Variants in SCAF11 observed in about 807,000 individuals in gnomAD.
The protein encoded by SCAF11 is SR-related CTD associated factor 11.
Under a neutral mutation model 140.5 loss-of-function variants are expected in SCAF11, and 47 were observed. That is an observed-to-expected ratio of 0.33 (90% confidence interval 0.26 to 0.43). The LOEUF is 0.43. Ranked by LOEUF, SCAF11 falls within the 20% of genes least tolerant of loss-of-function variation. The pLI is 1.00. For synonymous variants in SCAF11, 557 were observed against 579.4 expected (o/e 0.96, Z 0.55); for missense variants, 1,645 against 1,705.1 (o/e 0.96, Z 0.62).
At chr12:45,959,083 C>T (rs1198898530) in intron 3 of SCAF11, among the ~76,000 whole-genome samples, 1 of 151,976 alleles carries the variant, frequency 6.6e-6, no homozygotes, top group East Asian at 1.9e-4. Flanking sequence ...TCTCAGAAAG[C>T]ACAGAAATTT....
rs990469170 is a variant in SCAF11, at chr12:45,926,923, T to C, written c.2778A>G (p.Glu926=). ...ACCTAGACCACTTTCTGGTTCTCCT[T>C]TCTCTCTCTCTCCTCTGCCCATCTC... ...SDRDGQRRER[E]RRTRKWSRSR... The change falls in exon 11 of 15, where the codon GAA becomes GAG. Residue 926 remains glutamate (E), a synonymous_variant. Coordinates refer to ENST00000369367, the MANE Select transcript of SCAF11 (RefSeq NM_004719.3). 4 of 1,612,616 alleles carry C rather than the reference T, an allele frequency of 2.5e-6. No individual in the cohort carries two copies. Among genetic ancestry groups the C allele is most frequent in the African/African-American group, 2.7e-5 (2 of 74,888 alleles).
chr12:45,931,327 T>C (rs1945040860), intron 10 of SCAF11, 179 bp downstream of exon 10: 4 of 387,538 alleles, frequency 1.0e-5, no homozygotes, highest in South Asian at 7.0e-5. Context: ...TATATATACA[T>C]ACACTCTAGT....
chr12:45,988,014 G>A (rs1334916170), intron 1 of SCAF11, among the ~76,000 whole-genome samples: 1 of 152,222 alleles, frequency 6.6e-6, no homozygotes, highest in Non-Finnish European at 1.5e-5. Context: ...GGAATAGCAA[G>A]AGAATGATAC....
At chr12:45,972,885 T>TATAG (rs1565688686) in intron 1 of SCAF11, among the ~76,000 whole-genome samples, 4 of 33,492 alleles carry the variant, frequency 1.2e-4, no homozygotes, top group African/African-American at 7.8e-4. Context: ...TATATAGATA[T>TATAG]ATATATAGAT....
In SCAF11 at chr12:45,921,254, T is replaced by C. The variant is rs1944704382; in HGVS notation, c.*794A>G. On this transcript the variant is annotated 3_prime_UTR_variant, in exon 15 of 15. Transcript: ENST00000369367. ...ACCTCGGCCTCCCAAAGTGCTGGGA[T>C]TACAGGCGTGAGCCATCATGCCCGG... 6.5e-6 allele frequency: 1 copy of C among 152,676 alleles called. No homozygotes were observed. The highest frequency in any genetic ancestry group is 1.5e-5 in the Non-Finnish European group (1 of 68,076). 9.5% of individuals were successfully genotyped at this position (152,676 alleles called of 1,614,324 possible).
At chr12:45,923,861 T>C (rs533702909) in intron 12 of SCAF11, among the ~76,000 whole-genome samples, 1 of 151,956 alleles carries the variant, frequency 6.6e-6, no homozygotes, top group South Asian at 2.1e-4. Flanking sequence ...TTTGTATTTT[T>C]TTTTTTCTAG....
intron 6 of SCAF11, among the ~76,000 whole-genome samples, chr12:45,936,076 T>G (rs1945166227): frequency 6.6e-6 from 1 of 152,198 alleles, no homozygotes; most frequent in East Asian, 1.9e-4. Context: ...ATCAAATCCT[T>G]TGGCTGTTTC....
intron 3 of SCAF11, chr12:45,961,229 T>C: frequency 1.5e-6 from 1 of 681,998 alleles, no homozygotes; most frequent in Non-Finnish European, 2.7e-6. Context: ...CCAAGTTTCC[T>C]CATCTGTAAA....
In SCAF11 at chr12:45,920,209, T is replaced by C. The variant is rs767818144; in HGVS notation, c.*1839A>G. 2.0e-5 allele frequency: 3 copies of C among 152,176 alleles called. No homozygotes were observed. The highest frequency in any genetic ancestry group is 2.0e-4 in the Admixed American group (3 of 15,276). 9.4% of individuals were successfully genotyped at this position (152,176 alleles called of 1,614,324 possible). A position where few individuals can be genotyped will look rare whatever the true frequency, so the allele number is the denominator to read the frequency against. ...GGAAATATTTTTATGATTACACTCA[T>C]AACAACAAAGCTTATGAACTAGCAC... On this transcript the variant is annotated 3_prime_UTR_variant, in exon 15 of 15. Coordinates refer to ENST00000369367, the MANE Select transcript of SCAF11 (RefSeq NM_004719.3).
rs763287001 is a variant in SCAF11 at position 45,928,051 on chromosome 12, A to C, written c.1650T>G (p.Phe550Leu). Residue 550 changes from phenylalanine to leucine, a missense_variant, in exon 11 of 15, where the codon TTT (phenylalanine) becomes TTG (leucine). By Grantham distance (22) the Phe-to-Leu change is conservative. Transcript: ENST00000369367. Reference sequence around the variant, plus strand: ...TGCTTTCAGATGTTAAACATGTAGGAAAATCATTTGGAAGATGAACTGTAC... The same window carrying C: ...TGCTTTCAGATGTTAAACATGTAGGCAAATCATTTGGAAGATGAACTGTAC... The part of the protein sequence containing the change: ...DVCTVHLPND[F>L]PTCLTSESKV... 6 of 1,613,764 alleles carry C rather than the reference A, an allele frequency of 3.7e-6. No individual in the cohort carries two copies. The East Asian group carries it at 1.3e-4, about 36-fold the overall frequency.
chr12:45,950,900 A>T (rs1945534123), intron 4 of SCAF11, among the ~76,000 whole-genome samples: 1 of 152,140 alleles, frequency 6.6e-6, no homozygotes, highest in African/African-American at 2.4e-5. Flanking sequence ...TATTAACGGC[A>T]TCACTTATGT....
At chr12:45,943,610 C>A (rs541160211) in intron 6 of SCAF11, among the ~76,000 whole-genome samples, 41 of 152,234 alleles carry the variant, frequency 2.7e-4, no homozygotes, top group East Asian at 1.9e-3. Context: ...CAGGCATCTA[C>A]TTGGAACATA....
chr12:45,985,237 C>T (rs1246710195), intron 1 of SCAF11, among the ~76,000 whole-genome samples: 2 of 152,194 alleles, frequency 1.3e-5, no homozygotes, highest in African/African-American at 2.4e-5. Flanking sequence ...ATTTATAACT[C>T]CCTTCTCACC....
intron 1 of SCAF11, among the ~76,000 whole-genome samples, chr12:45,979,961 T>C (rs1004339066): frequency 6.6e-6 from 1 of 152,146 alleles, no homozygotes; most frequent in Non-Finnish European, 1.5e-5. Context: ...AATGTAATCA[T>C]ATCACAAATG....
rs11838294 is a variant in SCAF11 at position 45,964,886 on chromosome 12, C to T, written c.-21-698G>A. ...AGAAATACAATAACATTTAGCTAGG[C>T]CAATCTCACAATTGAGCGGGTGAGA... On this transcript the variant is annotated intron_variant, in intron 1 of 14. Transcript: ENST00000369367. Among the ~76,000 whole-genome samples the T allele has an allele frequency of 6.0e-3, 918 of 152,074 alleles. 16 individuals carry two copies. The highest frequency in any genetic ancestry group is 0.021 in the African/African-American group (856 of 41,454).
At position 45,927,997 on chromosome 12, in the gene SCAF11, T is replaced by C. The variant is rs1210346934; in HGVS notation, c.1704A>G (p.Leu568=). 2 of 1,613,170 alleles carry C rather than the reference T, an allele frequency of 1.2e-6. No individual in the cohort carries two copies. The highest frequency in any genetic ancestry group is 1.7e-6 in the Non-Finnish European group (2 of 1,179,998). ...SKVYQPVSCP[L]SDLSENVESV... ...ACTCTACATTCTCAGATAAGTCACTTAGGGGACAAGATACAGGTTGGTACA... is the reference window on the plus strand; with the variant it reads ...ACTCTACATTCTCAGATAAGTCACTCAGGGGACAAGATACAGGTTGGTACA... Residue 568 remains leucine (L), a synonymous_variant, in exon 11 of 15, where the codon CTA becomes CTG. Transcript: ENST00000369367.
At chr12:45,960,859 A>G (rs759846733) in intron 3 of SCAF11, 2 of 152,698 alleles carry the variant, frequency 1.3e-5, no homozygotes, top group Non-Finnish European at 2.9e-5. Context: ...ATTGGAATGC[A>G]GCTAATGTTA....
chr12:45,938,253 G>A lies in SCAF11; in HGVS notation c.464-3748C>T, dbSNP rs571132233. 2.0e-5 allele frequency among the ~76,000 whole-genome samples: 3 copies of A among 152,292 alleles called. No individual in the cohort carries two copies. In the South Asian group the frequency reaches 6.2e-4, roughly 32 times the overall value. ...AACTGTAATCCCAGCACTCTGGGAG[G>A]CCGAGGTTGGCGGATCACCTGAGGT... On this transcript the variant is annotated intron_variant, in intron 6 of 14. Transcript: ENST00000369367.
chr12:45,928,871 T>TTA lies in SCAF11; in HGVS notation c.842-13_842-12insTA. 2.9e-6 allele frequency: 3 copies of TTA among 1,025,912 alleles called. No homozygotes were observed. Among genetic ancestry groups the TTA allele is most frequent in the Middle Eastern group, 3.1e-4 (1 of 3,176 alleles). The allele number at this position is 1,025,912 out of a possible 1,614,324, so 63.6% of individuals were successfully genotyped here. A position where few individuals can be genotyped will look rare whatever the true frequency, so the allele number is the denominator to read the frequency against. On this transcript the variant is annotated splice_polypyrimidine_tract_variant and intron_variant, in intron 10 of 14. Transcript: ENST00000369367. ...CTTGCAAGAAGTACCTAATAATATT[T>TTA]AAAAAAAAAAAAAAAGTAAAAAATA...
Sources: gnomAD v4.1 joint callset for allele counts (sites outside exome capture counted in the v4.1 genomes callset) on GRCh38, gnomAD v4.1.1 for gene constraint, MANE v1.5 for transcripts, NCBI Gene and HGNC (gene_info 2026-07-23, HGNC 2026-07-21) for gene names.